The following TFAP4 variants were observed in gnomAD, a reference collection of about 807,000 sequenced individuals.
TFAP4 encodes the protein transcription factor AP-4, also known as activating enhancer-binding protein 4.
A neutral mutation model predicts 40.4 loss-of-function variants in TFAP4; 7 were observed. That is an observed-to-expected ratio of 0.17 (90% CI 0.10 to 0.33). The LOEUF is 0.33. Ranked by LOEUF, TFAP4 falls within the 10% of genes least tolerant of loss-of-function variation. TFAP4 has a pLI of 1.00. For missense variants in TFAP4, 374 were observed against 451.1 expected (o/e 0.83, Z 1.55); for synonymous variants, 218 against 181.4 (o/e 1.20, Z -1.62).
intron 2 of TFAP4, 48 bp from the exon 3 acceptor site, chr16:4,262,470 G>C (rs1217143037): frequency 6.2e-7 from 1 of 1,613,676 alleles, no homozygotes; most frequent in East Asian, 2.2e-5. Context: ...GTTTACCAGA[G>C]CTCACTTTCC....
intron 6 of TFAP4, among the ~76,000 whole-genome samples, chr16:4,259,358 C>T (rs918529867): frequency 6.6e-6 from 1 of 152,078 alleles, no homozygotes; most frequent in Non-Finnish European, 1.5e-5. Flanking sequence ...TGGTCTCGAA[C>T]TCCTGACCTC....
intron 1 of TFAP4, among the ~76,000 whole-genome samples, chr16:4,270,463 G>A (rs2053031975): frequency 6.6e-6 from 1 of 152,194 alleles, no homozygotes; most frequent in Non-Finnish European, 1.5e-5. Flanking sequence ...CCTGCCTAAT[G>A]AACACATTTG....
At chr16:4,271,312 C>G (rs1053831645) in intron 1 of TFAP4, among the ~76,000 whole-genome samples, 4 of 152,254 alleles carry the variant, frequency 2.6e-5, no homozygotes, top group African/African-American at 9.6e-5. Context: ...CGGGCTCCTC[C>G]TCCCTCAATC....
Position 4,257,311 on chromosome 16 carries a change from T to TAAAAAAAAAAAA in TFAP4, c.*732_*743dup, listed in dbSNP as rs34634533. ...CTTGAACACGAAGACCTCAAAATTG[T>TAAAAAAAAAAAA]AAAAAAAAAAAAAAAAGAAAGAAAA... On this transcript the variant is annotated 3_prime_UTR_variant, in exon 7 of 7. Coordinates refer to ENST00000204517, the MANE Select transcript of TFAP4 (RefSeq NM_003223.3). The TAAAAAAAAAAAA allele has an allele frequency of 2.4e-4, 27 of 114,728 alleles. No individual in the cohort carries two copies. The highest frequency in any genetic ancestry group is 3.0e-4 in the Non-Finnish European group (17 of 55,828). The allele number at this position is 114,728 out of a possible 1,614,324, so 7.1% of individuals were successfully genotyped here. A position where few individuals can be genotyped will look rare whatever the true frequency, so the allele number is the denominator to read the frequency against.
intron 1 of TFAP4, chr16:4,262,974 G>A (rs1413413752): frequency 4.2e-6 from 2 of 473,540 alleles, no homozygotes; most frequent in African/African-American, 2.0e-5. Context: ...AAGAGTTTGA[G>A]ATCAGCCTAG....
At chr16:4,261,726 G>C in intron 4 of TFAP4, 53 bp downstream of exon 4, 1 of 1,501,512 alleles carries the variant, frequency 6.7e-7, no homozygotes, top group Middle Eastern at 2.1e-4. Flanking sequence ...CGCGACCCCA[G>C]GCTCCACGCC....
chr16:4,262,680 G>A lies in TFAP4; in HGVS notation c.111C>T (p.Thr37=), dbSNP rs776180199. The A allele has an allele frequency of 8.1e-6, 13 of 1,609,566 alleles. No homozygotes were observed. Among genetic ancestry groups the A allele is most frequent in the Non-Finnish European group, 1.1e-5 (13 of 1,179,968 alleles). Residue 37 remains threonine, a synonymous_variant, in exon 2 of 7, where the codon ACC becomes ACT. Transcript: ENST00000204517. ...GCTCCTGGTCCCGCTGAGTCTCGGG[G>A]GTTAGTGGAATGTTGGCAAGGCTGC... is the stretch of plus-strand genomic sequence containing the variant. ...GLCSLANIPL[T]PETQRDQERR...
intron 6 of TFAP4, 126 bp downstream of exon 6, chr16:4,259,964 G>T: frequency 7.8e-7 from 1 of 1,283,788 alleles, no homozygotes; most frequent in Non-Finnish European, 1.0e-6. Context: ...AAGGCTTCCA[G>T]CCCTCCACCC....
chr16:4,268,688 C>A (rs968719213), intron 1 of TFAP4, among the ~76,000 whole-genome samples: 1 of 152,008 alleles, frequency 6.6e-6, no homozygotes, highest in East Asian at 1.9e-4. Flanking sequence ...ACTTCTTGGG[C>A]CCAGGTCGTC....
intron 1 of TFAP4, among the ~76,000 whole-genome samples, chr16:4,267,620 C>T (rs1366574248): frequency 6.6e-6 from 1 of 152,176 alleles, no homozygotes; most frequent in Non-Finnish European, 1.5e-5. Context: ...AAGTCAAGTA[C>T]CCCCAATCCC....
intron 6 of TFAP4, chr16:4,258,529 TCCC>T: frequency 3.3e-6 from 1 of 300,278 alleles, no homozygotes; most frequent in South Asian, 9.9e-5. Flanking sequence ...CTCCTACTGC[TCCC>T]TCCCTAGTAG....
rs1176140760 is a variant in TFAP4, at chr16:4,269,747, T to C, written c.89+2911A>G. ...ATTGCTTGAACCCCGGAGGCAGAAG[T>C]TGCAGTGAGCCGAGATTGCGCCACT... On this transcript the variant is annotated intron_variant, in intron 1 of 6. Coordinates refer to ENST00000204517, the MANE Select transcript of TFAP4 (RefSeq NM_003223.3). Among the ~76,000 whole-genome samples the C allele has an allele frequency of 2.0e-5, 3 of 151,400 alleles. 1 individual carries two copies. The highest frequency in any genetic ancestry group is 4.2e-4 in the South Asian group (2 of 4,804).
chr16:4,260,440 G>T lies in TFAP4; in HGVS notation c.666+15C>A. ...CCCGGTCCCCAGAGCCCACTCCCGG[G>T]CGCCTCCTGCTCACCTGGGTCCGCA... On this transcript the variant is annotated intron_variant, in intron 5 of 6. Coordinates refer to ENST00000204517, the MANE Select transcript of TFAP4 (RefSeq NM_003223.3). 1 of 1,565,404 alleles carries T rather than the reference G, an allele frequency of 6.4e-7. No homozygotes were observed.
At chr16:4,258,600 C>G (rs185078624) in intron 6 of TFAP4, 3 of 180,012 alleles carry the variant, frequency 1.7e-5, no homozygotes, top group Non-Finnish European at 3.5e-5. Flanking sequence ...TTGGTAGAGA[C>G]GAGGGGGTTC....
In TFAP4 at chr16:4,261,920, C is replaced by G; in HGVS notation, c.384G>C (p.Arg128=). 1 of 1,611,220 alleles carries G rather than the reference C, an allele frequency of 6.2e-7. No individual in the cohort carries two copies. Among genetic ancestry groups the G allele is most frequent in the Non-Finnish European group, 8.5e-7 (1 of 1,179,072 alleles). The change falls in exon 4 of 7, where the codon CGG becomes CGC. Residue 128 remains arginine, a synonymous_variant. Coordinates refer to ENST00000204517, the MANE Select transcript of TFAP4 (RefSeq NM_003223.3). ...QELSGSSPKR[R]RAEDKDEGIG... Reference sequence around the variant, plus strand: ...TGCCTTCGTCCTTGTCCTCTGCCCGCCGTCGCTTGGGGGACGAGCCGCTCA... The same window carrying G: ...TGCCTTCGTCCTTGTCCTCTGCCCGGCGTCGCTTGGGGGACGAGCCGCTCA...
In TFAP4 at chr16:4,258,041, G is replaced by T; in HGVS notation, c.*14C>A. On this transcript the variant is annotated 3_prime_UTR_variant, in exon 7 of 7. Transcript: ENST00000204517. ...CTCCAGCCCCCAGAAGGGAGAGGAGGGCTGGGGGGGTAGTCAGGGAAGCTC... is the reference window on the plus strand; with the variant it reads ...CTCCAGCCCCCAGAAGGGAGAGGAGTGCTGGGGGGGTAGTCAGGGAAGCTC... 5.0e-6 allele frequency: 8 copies of T among 1,606,480 alleles called. No homozygotes were observed. The highest frequency in any genetic ancestry group is 6.8e-6 in the Non-Finnish European group (8 of 1,177,980).
chr16:4,260,180 G>GGGA lies in TFAP4; in HGVS notation c.729_731dup (p.Pro244dup). The GGGA allele has an allele frequency of 6.3e-7, 1 of 1,595,584 alleles. No homozygotes were observed. Among genetic ancestry groups the GGGA allele is most frequent in the Non-Finnish European group, 8.5e-7 (1 of 1,173,512 alleles). The stretch of plus-strand genomic sequence containing the variant: ...TGGTGACGACATTGATGTGGTGGGA[G>GGGA]GGAGGAGGAGGCGGTGCTGGCACGA... On this transcript the variant is annotated inframe_insertion, in exon 6 of 7. Transcript: ENST00000204517.
intron 1 of TFAP4, among the ~76,000 whole-genome samples, chr16:4,269,061 T>A (rs28806000): frequency 6.6e-6 from 1 of 151,962 alleles, no homozygotes; most frequent in Non-Finnish European, 1.5e-5. Context: ...CTAATTTTTT[T>A]ATTTTTTGTA....
At position 4,262,464 on chromosome 16, in the gene TFAP4, A is replaced by G. The variant is rs769956250; in HGVS notation, c.256-42T>C. 4 of 1,613,750 alleles carry G rather than the reference A, an allele frequency of 2.5e-6. No individual in the cohort carries two copies. In the South Asian group the frequency reaches 4.4e-5, roughly 18 times the overall value. On this transcript the variant is annotated intron_variant, in intron 2 of 6. Coordinates refer to ENST00000204517, the MANE Select transcript of TFAP4 (RefSeq NM_003223.3). Reference sequence around the variant, plus strand: ...GCCGAGAGTCAGGCTGGCAGTGTTTACCAGAGCTCACTTTCCTCTCCCAGC... The same window carrying G: ...GCCGAGAGTCAGGCTGGCAGTGTTTGCCAGAGCTCACTTTCCTCTCCCAGC...
Sources: gnomAD v4.1 joint callset for allele counts (sites outside exome capture counted in the v4.1 genomes callset) on GRCh38, gnomAD v4.1.1 for gene constraint, MANE v1.5 for transcripts, NCBI Gene and HGNC (gene_info 2026-07-23, HGNC 2026-07-21) for gene names.